Variants in WNT2B observed in about 807,000 individuals in gnomAD.
WNT2B encodes protein Wnt-2b.
WNT2B carries 19 observed loss-of-function variants against 40.5 expected under a neutral mutation model. The ratio of observed to expected loss-of-function variants is 0.47; its 90% CI spans 0.33 to 0.69. WNT2B has a LOEUF of 0.69. Among genes scored for constraint, WNT2B ranks in the 30% least tolerant of loss-of-function variants. The probability of loss-of-function intolerance (pLI) is 0.02; values close to 1 mark genes in which losing one functional copy is unlikely to be tolerated. For synonymous variants in WNT2B, 220 were observed against 211.9 expected (o/e 1.04, Z -0.33); for missense variants, 467 against 556.4 (o/e 0.84, Z 1.62).
At chr1:112,490,932 T>C in intron 1 of WNT2B, 1 of 1,423,614 alleles carries the variant, frequency 7.0e-7, no homozygotes, top group Non-Finnish European at 9.8e-7. Flanking sequence ...TAAATAAATC[T>C]ACAAATCACT....
intron 1 of WNT2B, among the ~76,000 whole-genome samples, chr1:112,482,663 G>C (rs2780266): frequency 0.3 from 46,214 of 151,910 alleles, 8,094 homozygotes; most frequent in African/African-American, 0.48. Context: ...AAACAGCAAA[G>C]TAGTCAGAAA....
chr1:112,494,795 A>G (rs1651713850), intron 1 of WNT2B, among the ~76,000 whole-genome samples: 1 of 151,540 alleles, frequency 6.6e-6, no homozygotes, highest in African/African-American at 2.5e-5. Context: ...TAGGTCAGAA[A>G]CGTGGATCTA....
At chr1:112,477,678 T>C (rs1651093409) in intron 1 of WNT2B, among the ~76,000 whole-genome samples, 1 of 152,034 alleles carries the variant, frequency 6.6e-6, no homozygotes, top group Non-Finnish European at 1.5e-5. Context: ...AAGAAAGAGA[T>C]AGAAATCATT....
chr1:112,481,128 C>T (rs2101055685), intron 1 of WNT2B, among the ~76,000 whole-genome samples: 1 of 151,234 alleles, frequency 6.6e-6, no homozygotes, highest in South Asian at 2.1e-4. Context: ...GAGATCGCGC[C>T]ACTGCACTCC....
Position 112,527,338 on chromosome 1 carries a change from A to C in WNT2B, c.*6829A>C, listed in dbSNP as rs927962279. 1.3e-5 allele frequency: 2 copies of C among 152,538 alleles called. No homozygotes were observed. Among genetic ancestry groups the C allele is most frequent in the Non-Finnish European group, 2.9e-5 (2 of 68,100 alleles). 9.4% of individuals were successfully genotyped at this position (152,538 alleles called of 1,614,324 possible). ...CCTATAGTCAGGACTTCCCCAAGGC[A>C]GACTTTATTTTTTGGTCCATCGATC... On this transcript the variant is annotated 3_prime_UTR_variant, in exon 5 of 5. Coordinates refer to ENST00000369684, the MANE Select transcript of WNT2B (RefSeq NM_024494.3).
chr1:112,488,655 C>A (rs998850341), intron 1 of WNT2B, among the ~76,000 whole-genome samples: 5 of 151,672 alleles, frequency 3.3e-5, no homozygotes, highest in African/African-American at 7.3e-5. Context: ...GGGTTCACAC[C>A]ATTCTCCTGC....
In WNT2B at chr1:112,529,377, C is replaced by G. The variant is rs1319125759; in HGVS notation, c.*8868C>G. The G allele has an allele frequency of 1.3e-5, 2 of 152,140 alleles. No individual in the cohort carries two copies. Among genetic ancestry groups the G allele is most frequent in the African/African-American group, 2.4e-5 (1 of 41,404 alleles). 9.4% of individuals were successfully genotyped at this position (152,140 alleles called of 1,614,324 possible). The stretch of plus-strand genomic sequence containing the variant: ...TGAAACCCTTCACAAAAGAAAAGCT[C>G]AAGGGTTTACATTCAACTGTGACAG... On this transcript the variant is annotated 3_prime_UTR_variant, in exon 5 of 5. Transcript: ENST00000369684.
chr1:112,519,868 GCTT>G (rs201288432), intron 4 of WNT2B, among the ~76,000 whole-genome samples: 5 of 110,232 alleles, frequency 4.5e-5, no homozygotes, highest in African/African-American at 9.4e-5. Context: ...CAGAGCCCAT[GCTT>G]CTTTTTTTTT....
At chr1:112,492,828 C>A (rs748117649) in intron 1 of WNT2B, among the ~76,000 whole-genome samples, 8 of 152,180 alleles carry the variant, frequency 5.3e-5, no homozygotes, top group Non-Finnish European at 1.0e-4. Context: ...GATTGAGAAG[C>A]TTTTGCGAGG....
At position 112,509,585 on chromosome 1, in the gene WNT2B, G is replaced by C. The variant is rs1325972916; in HGVS notation, c.182+141G>C. The C allele has an allele frequency of 1.0e-6, 1 of 971,702 alleles. No individual in the cohort carries two copies. Among genetic ancestry groups the C allele is most frequent in the Non-Finnish European group, 1.4e-6 (1 of 717,186 alleles). 60.2% of individuals were successfully genotyped at this position (971,702 alleles called of 1,614,324 possible). On this transcript the variant is annotated intron_variant, in intron 1 of 4. Coordinates refer to ENST00000369684, the MANE Select transcript of WNT2B (RefSeq NM_024494.3). This position sits in a 1 kb window ranked among gnomAD's most constrained non-coding sequence, Gnocchi z 4.2. ...TCGGGCAGGACTGTCACTGAAATCTGAAGTCGCGGGGTGGCGGGAGGGTGA... is the reference window on the plus strand; with the variant it reads ...TCGGGCAGGACTGTCACTGAAATCTCAAGTCGCGGGGTGGCGGGAGGGTGA...
At chr1:112,519,872 C>CT (rs71081244) in intron 4 of WNT2B, among the ~76,000 whole-genome samples, 8,047 of 115,702 alleles carry the variant, frequency 0.07, 495 homozygotes, top group Admixed American at 0.18. Context: ...GCCCATGCTT[C>CT]TTTTTTTTTT....
chr1:112,490,338 C>T (rs922574071), intron 1 of WNT2B, among the ~76,000 whole-genome samples: 4 of 152,130 alleles, frequency 2.6e-5, no homozygotes, highest in Admixed American at 2.0e-4. Flanking sequence ...ATCACCTCCT[C>T]GTTCTGAGAG....
upstream of WNT2B, among the ~76,000 whole-genome samples, chr1:112,508,345 G>A (rs1652193644): frequency 6.6e-6 from 1 of 150,854 alleles, no homozygotes; most frequent in South Asian, 2.1e-4. The surrounding 1 kb of genome is among the most constrained non-coding windows in gnomAD (Gnocchi z 4.2). Context: ...GGGCCGGGCA[G>A]GCCGGGCAAG....
In WNT2B at chr1:112,485,393, A is replaced by G. The variant is rs188195757; in HGVS notation, c.-95+17802A>G. 4.6e-5 allele frequency among the ~76,000 whole-genome samples: 7 copies of G among 151,854 alleles called. No individual in the cohort carries two copies. The East Asian group carries it at 1.4e-3, about 29-fold the overall frequency. ...CGAGGATTGCTTGAACCCAGGAGGC[A>G]GAGGTTGCAGTGAGCCAAGATTGTG... On this transcript the variant is annotated intron_variant, in intron 1 of 4. Transcript: ENST00000256640.
intron 1 of WNT2B, among the ~76,000 whole-genome samples, chr1:112,491,302 G>A (rs1342695686): frequency 6.6e-6 from 1 of 152,162 alleles, no homozygotes; most frequent in Non-Finnish European, 1.5e-5. Context: ...CAGCTACTGG[G>A]AGACTGAGGC....
Position 112,522,787 on chromosome 1 carries a change from G to T in WNT2B, c.*2278G>T, listed in dbSNP as rs1392731861. 2 of 152,252 alleles carry T rather than the reference G, an allele frequency of 1.3e-5. No homozygotes were observed. Among genetic ancestry groups the T allele is most frequent in the African/African-American group, 2.4e-5 (1 of 41,426 alleles). The allele number at this position is 152,252 out of a possible 1,614,324, so 9.4% of individuals were successfully genotyped here. On this transcript the variant is annotated 3_prime_UTR_variant, in exon 5 of 5. Coordinates refer to ENST00000369684, the MANE Select transcript of WNT2B (RefSeq NM_024494.3). ...CCCTTGTGGTCTGCGGTAAGGGGAT[G>T]CCTGTGGAGAAATGGGCCTGAGTGA...
intron 1 of WNT2B, among the ~76,000 whole-genome samples, chr1:112,484,989 T>A (rs375706569): frequency 6.6e-6 from 1 of 152,310 alleles, no homozygotes; most frequent in African/African-American, 2.4e-5. Flanking sequence ...AAATAATTCA[T>A]ATATAGATTT....
intron 1 of WNT2B, among the ~76,000 whole-genome samples, chr1:112,514,355 G>C (rs555831979): frequency 6.6e-6 from 1 of 152,214 alleles, no homozygotes; most frequent in East Asian, 1.9e-4. Flanking sequence ...AGCTGTAAAC[G>C]TTACTCAGAT....
In WNT2B at chr1:112,509,084, A is replaced by G. The variant is rs954622654; in HGVS notation, c.-179A>G. On this transcript the variant is annotated 5_prime_UTR_variant, in exon 1 of 5. Transcript: ENST00000369684. The surrounding 1 kb of genome is among the most constrained non-coding windows in gnomAD (Gnocchi z 4.2). The stretch of plus-strand genomic sequence containing the variant: ...CCGTCGTCGGCTTCCGGACATCGCA[A>G]CTTGCGCCCCTCTCGGGGATCCTCC... 9.3e-5 allele frequency: 125 copies of G among 1,348,140 alleles called. No homozygotes were observed. Among genetic ancestry groups the G allele is most frequent in the Non-Finnish European group, 1.1e-4 (112 of 1,058,906 alleles). The allele number at this position is 1,348,140 out of a possible 1,614,324, so 83.5% of individuals were successfully genotyped here. A position where few individuals can be genotyped will look rare whatever the true frequency, so the allele number is the denominator to read the frequency against.
Sources: gnomAD v4.1 joint callset for allele counts (sites outside exome capture counted in the v4.1 genomes callset) on GRCh38, gnomAD v4.1.1 for gene constraint, Gnocchi (gnomAD v3.1) non-coding constraint, MANE v1.5 for transcripts, NCBI Gene and HGNC (gene_info 2026-07-23, HGNC 2026-07-21) for gene names.